The following GSE1 variants were observed in gnomAD, a reference collection of about 807,000 sequenced individuals.
The protein encoded by GSE1 is Gse1 coiled-coil protein, also known as genetic suppressor element 1.
A neutral mutation model predicts 112.6 loss-of-function variants in GSE1; 32 were observed. That is an observed-to-expected ratio of 0.28 (90% confidence interval 0.21 to 0.38). GSE1 has a LOEUF of 0.38. GSE1 is among the 10% of genes least tolerant of loss of function. GSE1 has a pLI of 1.00. For missense variants in GSE1, 2,348 were observed against 1,699.2 expected (o/e 1.38, Z -6.71); for synonymous variants, 1,115 against 735.6 (o/e 1.52, Z -8.35).
rs2053444345 is a variant in GSE1, at chr16:85,672,664, G to A, written c.*125G>A. 1.7e-6 allele frequency: 1 copy of A among 604,872 alleles called. No homozygotes were observed. The highest frequency in any genetic ancestry group is 3.1e-5 in the East Asian group (1 of 32,164). 37.5% of individuals were successfully genotyped at this position (604,872 alleles called of 1,614,324 possible). ...AAAATGAGAATGTGCCATGCATGAA[G>A]CAAAGGATTCCAGGCTCCAGAAAAA... On this transcript the variant is annotated 3_prime_UTR_variant, in exon 16 of 16. Transcript: ENST00000253458.
intron 1 of GSE1, among the ~76,000 whole-genome samples, chr16:85,633,235 G>A (rs910002409): frequency 2.0e-5 from 3 of 152,186 alleles, no homozygotes; most frequent in Non-Finnish European, 4.4e-5. Flanking sequence ...ACCGCTCCCT[G>A]TCAGCCTGCC....
chr16:85,175,574 C>T (rs1463543463), intron 1 of GSE1, among the ~76,000 whole-genome samples: 3 of 152,236 alleles, frequency 2.0e-5, no homozygotes, highest in Admixed American at 6.5e-5. Flanking sequence ...TTCCCCCCGC[C>T]CCCGTGAAGT....
chr16:85,657,299 G>T lies in GSE1; in HGVS notation c.1335G>T (p.Leu445=). ...CAGAGAAGCTGAAGGATGCCGGCCT[G>T]CAGGCGCCCAAGCCCGTCCAACACC... ...TRAEKLKDAG[L]QAPKPVQHPL... Residue 445 remains leucine, a synonymous_variant, in exon 8 of 16, where the codon CTG becomes CTT. Coordinates refer to ENST00000253458, the MANE Select transcript of GSE1 (RefSeq NM_014615.5). The T allele has an allele frequency of 1.9e-6, 3 of 1,568,028 alleles. No individual in the cohort carries two copies. Among genetic ancestry groups the T allele is most frequent in the Non-Finnish European group, 2.6e-6 (3 of 1,157,170 alleles).
chr16:85,543,783 G>A (rs1010493993), intron 2 of GSE1, among the ~76,000 whole-genome samples: 7 of 152,172 alleles, frequency 4.6e-5, no homozygotes, highest in Admixed American at 1.3e-4. Context: ...TAGGCTATGC[G>A]AGTGGTTCTT....
chr16:85,529,762 C>T (rs147591395), intron 2 of GSE1, among the ~76,000 whole-genome samples: 119 of 152,272 alleles, frequency 7.8e-4, no homozygotes, highest in African/African-American at 2.6e-3. Flanking sequence ...GGAACCTCAC[C>T]GATTAGACTG....
intron 2 of GSE1, among the ~76,000 whole-genome samples, chr16:85,546,088 A>G (rs1265951121): frequency 6.8e-6 from 1 of 147,706 alleles, no homozygotes; most frequent in Non-Finnish European, 1.5e-5. Flanking sequence ...CCCAGCCATT[A>G]GTTTTTTATT....
At chr16:85,304,214 G>A (rs993137732) in intron 1 of GSE1, among the ~76,000 whole-genome samples, 5 of 152,230 alleles carry the variant, frequency 3.3e-5, no homozygotes, top group Admixed American at 2.6e-4. Flanking sequence ...GCTTTATGCC[G>A]GGAAACTGAG....
At chr16:85,170,002 C>G in exon 1 of GSE1, 1 of 984,320 alleles carries the variant, frequency 1.0e-6, no homozygotes, top group Middle Eastern at 5.2e-4. Context: ...TGGCGGCCCC[C>G]GGCTGCGCGG....
At chr16:85,201,369 A>T (rs2075025934) in intron 1 of GSE1, among the ~76,000 whole-genome samples, 1 of 149,916 alleles carries the variant, frequency 6.7e-6, no homozygotes, top group African/African-American at 2.5e-5. Context: ...TCAGAAAGTG[A>T]ACGTGAAGCC....
In GSE1 at chr16:85,343,471, C is replaced by T. The variant is rs527343992; in HGVS notation, c.2284-13992C>T. ...GGTATCTCAGCTTAAAAAGTTTGCC[C>T]GGCCCAGTGGCTCACACCTGTAATC... On this transcript the variant is annotated intron_variant, in intron 1 of 2. Coordinates refer to the GSE1 transcript ENST00000637419. 7.2e-5 allele frequency among the ~76,000 whole-genome samples: 11 copies of T among 152,210 alleles called. No individual in the cohort carries two copies. In the South Asian group the frequency reaches 1.9e-3, roughly 26 times the overall value.
intron 1 of GSE1, among the ~76,000 whole-genome samples, chr16:85,259,222 C>T (rs1258569781): frequency 2.0e-5 from 3 of 152,136 alleles, no homozygotes; most frequent in African/African-American, 7.2e-5. Context: ...GGTTGCCTCC[C>T]GGCTGCCCAT....
chr16:85,449,732 G>A (rs1238194215), intron 2 of GSE1, among the ~76,000 whole-genome samples: 1 of 152,190 alleles, frequency 6.6e-6, no homozygotes, highest in Non-Finnish European at 1.5e-5. Context: ...GCATGCCTGG[G>A]GTTTGGATCG....
intron 1 of GSE1, among the ~76,000 whole-genome samples, chr16:85,331,393 G>GTATATATATATGTATATATA (rs1266307216): frequency 2.2e-5 from 2 of 91,518 alleles, no homozygotes; most frequent in East Asian, 6.0e-4. Context: ...GTATATATAT[G>GTATATATATATGTATATATA]TGTATATATG....
At chr16:85,508,419 C>T (rs2051615337) in intron 2 of GSE1, among the ~76,000 whole-genome samples, 1 of 152,170 alleles carries the variant, frequency 6.6e-6, no homozygotes, top group Non-Finnish European at 1.5e-5. Flanking sequence ...GTTTCCACAC[C>T]ACCAGGGGCG....
intron 1 of GSE1, among the ~76,000 whole-genome samples, chr16:85,305,613 T>C (rs951578017): frequency 2.2e-4 from 33 of 152,102 alleles, no homozygotes; most frequent in African/African-American, 7.5e-4. Flanking sequence ...CCCGAGTAGC[T>C]GGGTAATTAC....
chr16:85,437,101 A>G (rs2049266024), intron 2 of GSE1, among the ~76,000 whole-genome samples: 1 of 152,138 alleles, frequency 6.6e-6, no homozygotes, highest in Non-Finnish European at 1.5e-5. Context: ...TACCACACCC[A>G]TGAAATTTCC....
intron 1 of GSE1, among the ~76,000 whole-genome samples, chr16:85,326,929 A>G (rs1355196017): frequency 6.6e-6 from 1 of 152,214 alleles, no homozygotes; most frequent in African/African-American, 2.4e-5. Context: ...CATAAACCAT[A>G]ATCGCTGTTT....
intron 1 of GSE1, among the ~76,000 whole-genome samples, chr16:85,598,690 G>C (rs1024658838): frequency 6.6e-6 from 1 of 152,262 alleles, no homozygotes; most frequent in African/African-American, 2.4e-5. Flanking sequence ...TCCCAAGTAG[G>C]CATGGGGCAA....
At chr16:85,650,899 C>G (rs2051282150) in intron 3 of GSE1, among the ~76,000 whole-genome samples, 1 of 152,030 alleles carries the variant, frequency 6.6e-6, no homozygotes, top group African/African-American at 2.4e-5. Context: ...TCACCCCTCT[C>G]TCCCAGGTGT....
Sources: allele counts gnomAD v4.1 joint callset (sites outside exome capture counted in the v4.1 genomes callset), GRCh38; gene constraint gnomAD v4.1.1; transcripts MANE v1.5; gene names NCBI Gene and HGNC (gene_info 2026-07-23, HGNC 2026-07-21).